KDM4C: variants seen among roughly 807,000 people sequenced by gnomAD.
The protein encoded by KDM4C is lysine-specific demethylase 4C.
A neutral mutation model predicts 129.3 loss-of-function variants in KDM4C; 81 were observed. The observed-to-expected ratio is 0.63, with a 90% CI of 0.52 to 0.75. KDM4C has a LOEUF of 0.75. Among genes scored for constraint, KDM4C ranks in the 30% least tolerant of loss-of-function variants. The probability of loss-of-function intolerance (pLI) is 0.00; values close to 1 mark genes in which losing one functional copy is unlikely to be tolerated. For synonymous variants in KDM4C, 573 were observed against 456.1 expected (o/e 1.26, Z -3.26); for missense variants, 1,457 against 1,304.0 (o/e 1.12, Z -1.81).
At chr9:6,923,688 A>T (rs978427922) in intron 8 of KDM4C, among the ~76,000 whole-genome samples, 1 of 152,186 alleles carries the variant, frequency 6.6e-6, no homozygotes, top group African/African-American at 2.4e-5. Context: ...TTAATGACCA[A>T]AAAATAAGTC....
At chr9:7,018,640 G>C (rs946451251) in intron 15 of KDM4C, among the ~76,000 whole-genome samples, 6 of 152,128 alleles carry the variant, frequency 3.9e-5, no homozygotes, top group African/African-American at 1.4e-4. Context: ...GTTACTGCCT[G>C]GCTCCTGTGC....
intron 1 of KDM4C, among the ~76,000 whole-genome samples, chr9:6,766,490 A>C (rs1346111322): frequency 6.6e-6 from 1 of 152,114 alleles, no homozygotes; most frequent in Non-Finnish European, 1.5e-5. Flanking sequence ...GGGACATTTT[A>C]GTGGAGTTCA....
rs201415962 is a variant in KDM4C, at chr9:6,984,189, C to G, written c.1139C>G (p.Ser380Cys). The G allele has an allele frequency of 3.3e-5, 53 of 1,613,696 alleles. 1 individual carries two copies. In the Admixed American group the frequency reaches 5.7e-4, roughly 17 times the overall value. The change falls in exon 10 of 22, where the codon TCT (serine) becomes TGT (cysteine). Residue 380 changes from serine to cysteine, a missense_variant. By Grantham distance (112) the Ser-to-Cys change is moderately radical. Transcript: ENST00000381309. ...SRSFQCARST[S>C]KRPKADEEEE... ...AGCTTCCAGTGTGCTAGGTCTACCT[C>G]TAAAAGGCCTAAGGCTGATGAGGAA... is the stretch of plus-strand genomic sequence containing the variant.
intron 4 of KDM4C, among the ~76,000 whole-genome samples, chr9:6,843,446 C>T (rs1055842235): frequency 2.0e-5 from 3 of 152,198 alleles, no homozygotes; most frequent in East Asian, 1.9e-4. Context: ...GATTTATGTA[C>T]TATTGGGAAG....
At chr9:6,963,474 T>C (rs1830357698) in intron 8 of KDM4C, among the ~76,000 whole-genome samples, 1 of 152,188 alleles carries the variant, frequency 6.6e-6, no homozygotes, top group Admixed American at 6.5e-5. Flanking sequence ...GTGCCGCATA[T>C]TCATGGCATT....
intron 12 of KDM4C, among the ~76,000 whole-genome samples, chr9:7,005,546 C>G (rs556744427): frequency 6.6e-6 from 1 of 152,126 alleles, no homozygotes; most frequent in South Asian, 2.1e-4. Flanking sequence ...GACTAGGCTG[C>G]CTTCAGCCAG....
intron 15 of KDM4C, 152 bp from the exon 16 acceptor site, chr9:7,046,710 T>C: frequency 1.6e-6 from 1 of 632,806 alleles, no homozygotes; most frequent in Non-Finnish European, 2.8e-6. Context: ...GCTGTCTTTC[T>C]TTTTGAACTT....
intron 4 of KDM4C, among the ~76,000 whole-genome samples, chr9:6,820,234 C>G (rs112264393): frequency 1.3e-5 from 2 of 151,986 alleles, no homozygotes; most frequent in Non-Finnish European, 2.9e-5. Flanking sequence ...GGAGTGGGGA[C>G]GACATCTGAA....
At chr9:6,925,581 C>T (rs1822341094) in intron 8 of KDM4C, 1 of 985,354 alleles carries the variant, frequency 1.0e-6, no homozygotes, top group African/African-American at 1.7e-5. Flanking sequence ...GTGGGAGCCA[C>T]CATGCCTGGG....
At chr9:7,155,875 G>A (rs993147134) in intron 19 of KDM4C, among the ~76,000 whole-genome samples, 1 of 152,230 alleles carries the variant, frequency 6.6e-6, no homozygotes, top group Non-Finnish European at 1.5e-5. Flanking sequence ...AATATACCCA[G>A]TAATGGGGTT....
At chr9:6,815,621 C>T (rs1395663622) in intron 4 of KDM4C, among the ~76,000 whole-genome samples, 3 of 152,224 alleles carry the variant, frequency 2.0e-5, no homozygotes, top group Non-Finnish European at 4.4e-5. Context: ...AAGCATCCTT[C>T]ATCCAGAAAT....
intron 20 of KDM4C, 65 bp downstream of exon 20, chr9:7,165,422 C>A: frequency 1.3e-6 from 2 of 1,541,870 alleles, no homozygotes; most frequent in South Asian, 2.4e-5. Context: ...GAGATAGTAT[C>A]TCAAGTGTGC....
rs763214498 is a variant in KDM4C, at chr9:6,793,090, A to G, written c.102A>G (p.Ala34=). Residue 34 remains alanine (A), a synonymous_variant, in exon 2 of 22, where the codon GCA becomes GCG. Coordinates refer to ENST00000381309, the MANE Select transcript of KDM4C (RefSeq NM_015061.6). ...EEFREFNKYL[A]YMESKGAHRA... ...TCCGGGAGTTCAACAAATACCTTGC[A>G]TACATGGAGTCTAAAGGAGCCCATC... 3.1e-6 allele frequency: 5 copies of G among 1,614,162 alleles called. No homozygotes were observed. Among genetic ancestry groups the G allele is most frequent in the Non-Finnish European group, 4.2e-6 (5 of 1,180,022 alleles).
chr9:6,795,153 A>G (rs747854257), intron 2 of KDM4C, among the ~76,000 whole-genome samples: 6 of 152,098 alleles, frequency 3.9e-5, no homozygotes, highest in Admixed American at 6.5e-5. Context: ...ATCCCCAGCT[A>G]TGGAGGTCAG....
At chr9:7,050,095 C>G (rs1829934744) in intron 17 of KDM4C, among the ~76,000 whole-genome samples, 1 of 151,980 alleles carries the variant, frequency 6.6e-6, no homozygotes, top group South Asian at 2.1e-4. Context: ...TGTGCCGTCT[C>G]TGGGGCTCTC....
chr9:6,867,225 A>G (rs1842179984), intron 5 of KDM4C, among the ~76,000 whole-genome samples: 1 of 152,030 alleles, frequency 6.6e-6, no homozygotes, highest in African/African-American at 2.4e-5. Context: ...CATGTTGGCT[A>G]AGATGGTCTT....
intron 8 of KDM4C, among the ~76,000 whole-genome samples, chr9:6,934,535 C>G (rs904996307): frequency 6.5e-5 from 9 of 139,000 alleles, no homozygotes; most frequent in African/African-American, 2.3e-4. Flanking sequence ...TATATCCTCT[C>G]TCTTTTTTTT....
chr9:6,980,900 A>T (rs1053067134), intron 8 of KDM4C, 25 bp from the exon 9 acceptor site: 3 of 1,610,004 alleles, frequency 1.9e-6, no homozygotes, highest in African/African-American at 1.3e-5. Context: ...AACGTTTAAC[A>T]CTCTCCAACC....
chr9:6,988,990 C>T (rs1196600907), intron 11 of KDM4C, among the ~76,000 whole-genome samples: 1 of 151,634 alleles, frequency 6.6e-6, no homozygotes, highest in Non-Finnish European at 1.5e-5. Context: ...ATTCCCTTAC[C>T]CCTCTATAAT....
Sources: allele counts gnomAD v4.1 joint callset (sites outside exome capture counted in the v4.1 genomes callset), GRCh38; gene constraint gnomAD v4.1.1; transcripts MANE v1.5; gene names NCBI Gene and HGNC (gene_info 2026-07-23, HGNC 2026-07-21).